The following DDX59 variants were observed in gnomAD, a reference collection of about 807,000 sequenced individuals.
DDX59 encodes probable ATP-dependent RNA helicase DDX59.
Under a neutral mutation model 51.9 loss-of-function variants are expected in DDX59, and 30 were observed. The observed-to-expected ratio is 0.58, with a 90% CI of 0.43 to 0.78. DDX59 has a LOEUF of 0.78. Ranked by LOEUF, DDX59 falls within the 30% of genes least tolerant of loss-of-function variation. The pLI is 0.00. For missense variants in DDX59, 672 were observed against 730.8 expected, an observed-to-expected ratio of 0.92 and a Z score of 0.93; for synonymous variants, 255 against 253.3, an observed-to-expected ratio of 1.01 and a Z score of -0.06.
chr1:200,651,069 ACAAGATACC>A (rs1225255792), intron 4 of DDX59, among the ~76,000 whole-genome samples: 1 of 152,180 alleles, frequency 6.6e-6, no homozygotes, highest in African/African-American at 2.4e-5. Context: ...ATTATGTGTA[ACAAGATACC>A]TATTTATGCT....
At position 200,649,079 on chromosome 1, in the gene DDX59, A is replaced by C. The variant is rs377394294; in HGVS notation, c.1462T>G (p.Leu488Val). The C allele has an allele frequency of 4.2e-5, 65 of 1,560,686 alleles. No individual in the cohort carries two copies. The highest frequency in any genetic ancestry group is 5.3e-5 in the Non-Finnish European group (62 of 1,161,308). ...TAGAATATTGGGTGTCAAACCTTCA[A>C]TATGTTTTTCCTTTCTATTTGCGAC... Reference protein sequence around the residue: ...EKSQIERKNILKGLLEGDYEV... With the variant: ...EKSQIERKNIVKGLLEGDYEV... The change falls in exon 6 of 8, where the codon TTG becomes GTG. Residue 488 changes from leucine (L) to valine (V), a missense_variant. Leu to Val is a conservative substitution (Grantham distance 32). Transcript: ENST00000331314.
chr1:200,664,971 C>T lies in DDX59; in HGVS notation c.805-885G>A, dbSNP rs149005437. Among the ~76,000 whole-genome samples the T allele has an allele frequency of 7.5e-3, 1,136 of 152,262 alleles. 19 individuals are homozygous for T. The highest frequency in any genetic ancestry group is 0.025 in the African/African-American group (1,056 of 41,560). The stretch of plus-strand genomic sequence containing the variant: ...ATTACAGGCGTGAGCCACTGTGCCC[C>T]GCCTTCCCCACATTTTTTACTCACT... On this transcript the variant is annotated intron_variant, in intron 2 of 7. Transcript: ENST00000331314.
intron 1 of DDX59, among the ~76,000 whole-genome samples, chr1:200,668,735 C>T (rs1405304297): frequency 6.6e-6 from 1 of 152,192 alleles, no homozygotes; most frequent in Non-Finnish European, 1.5e-5. Flanking sequence ...GAGCCAGGCA[C>T]CCTTTTAAGT....
downstream of DDX59, among the ~76,000 whole-genome samples, chr1:200,642,500 A>G (rs561629514): frequency 1.3e-5 from 2 of 152,314 alleles, no homozygotes; most frequent in Non-Finnish European, 2.9e-5. Context: ...TTAAAAGTCT[A>G]ATGTTCTGGT....
Position 200,648,587 on chromosome 1 carries a change from AATTT to A in DDX59, c.1468-24_1468-21del. On this transcript the variant is annotated intron_variant, in intron 6 of 7. Coordinates refer to ENST00000331314, the MANE Select transcript of DDX59 (RefSeq NM_001031725.6). ...TAATCCCTTTCCAAAAAAGCAACAA[AATTT>A]ATTATTCAGAATTTATTTTGTGTGG... is the stretch of plus-strand genomic sequence containing the variant. 1 of 1,598,796 alleles carries A rather than the reference AATTT, an allele frequency of 6.3e-7. No homozygotes were observed.
At chr1:200,653,607 A>C (rs1174293672) in intron 4 of DDX59, among the ~76,000 whole-genome samples, 1 of 152,182 alleles carries the variant, frequency 6.6e-6, no homozygotes. Flanking sequence ...ACTTAGAATA[A>C]AATCCAACTT....
chr1:200,652,053 A>T (rs2102865112), intron 4 of DDX59, among the ~76,000 whole-genome samples: 1 of 151,810 alleles, frequency 6.6e-6, no homozygotes, highest in East Asian at 1.9e-4. Context: ...TCAGTTGCAA[A>T]TACAATCCAG....
intron 1 of DDX59, among the ~76,000 whole-genome samples, chr1:200,669,086 A>G (rs1054748315): frequency 6.6e-6 from 1 of 152,148 alleles, no homozygotes; most frequent in African/African-American, 2.4e-5. Context: ...GCTCAAAATA[A>G]ATCTCTTCAA....
chr1:200,657,364 G>A (rs1438788897), intron 4 of DDX59, among the ~76,000 whole-genome samples: 1 of 151,912 alleles, frequency 6.6e-6, no homozygotes, highest in African/African-American at 2.4e-5. Flanking sequence ...TGACAGTATT[G>A]TCTAATGATA....
In DDX59 at chr1:200,659,994, T is replaced by G. The variant is rs372180315; in HGVS notation, c.973-878A>C. On this transcript the variant is annotated intron_variant, in intron 3 of 7. Coordinates refer to ENST00000331314, the MANE Select transcript of DDX59 (RefSeq NM_001031725.6). ...CTACTGCATTCAGCTTATTTTTACC[T>G]TTTTTTAAACAAGAAGGAAAAATGC... is the stretch of plus-strand genomic sequence containing the variant. Among the ~76,000 whole-genome samples the G allele has an allele frequency of 9.2e-5, 14 of 151,384 alleles. No individual in the cohort carries two copies. In the East Asian group the frequency reaches 1.4e-3, roughly 15 times the overall value.
intron 7 of DDX59, 72 bp downstream of exon 7, chr1:200,648,367 G>A: frequency 3.1e-6 from 5 of 1,589,718 alleles, no homozygotes; most frequent in Non-Finnish European, 4.3e-6. Context: ...CTTAAACTTG[G>A]TTATCACATT....
chr1:200,659,063 T>C lies in DDX59; in HGVS notation c.1026A>G (p.Val342=). 1 of 1,613,878 alleles carries C rather than the reference T, an allele frequency of 6.2e-7. No individual in the cohort carries two copies. The highest frequency in any genetic ancestry group is 8.5e-7 in the Non-Finnish European group (1 of 1,179,890). Residue 342 remains valine, a synonymous_variant, in exon 4 of 8, where the codon GTA becomes GTG. Coordinates refer to ENST00000331314, the MANE Select transcript of DDX59 (RefSeq NM_001031725.6). ...RLLDIIKQSS[V]ELCGVKIVVV... ...CCACAATCTTTACACCACAGAGTTC[T>C]ACAGAGCTCTGCTTTATTATATCCA...
chr1:200,644,576 G>T, intron 7 of DDX59, 59 bp from the exon 8 acceptor site: 1 of 1,510,924 alleles, frequency 6.6e-7, no homozygotes, highest in East Asian at 2.3e-5. Flanking sequence ...AGTGTCTTTT[G>T]AAAGAAAATG....
chr1:200,668,024 C>A (rs549645601), intron 1 of DDX59, among the ~76,000 whole-genome samples: 1 of 152,052 alleles, frequency 6.6e-6, no homozygotes, highest in African/African-American at 2.4e-5. Context: ...TTGGGCTGGG[C>A]GCAGTGGCTC....
chr1:200,644,158 A>G lies in DDX59; in HGVS notation c.*96T>C, dbSNP rs1161767350. On this transcript the variant is annotated 3_prime_UTR_variant, in exon 8 of 8. Coordinates refer to ENST00000331314, the MANE Select transcript of DDX59 (RefSeq NM_001031725.6). Reference sequence around the variant, plus strand: ...AATTTTATTAAATTAAAAATATCTTAAAATTTTTAAAATTCATGTACATTT... The same window carrying G: ...AATTTTATTAAATTAAAAATATCTTGAAATTTTTAAAATTCATGTACATTT... 4.0e-6 allele frequency: 4 copies of G among 991,096 alleles called. No homozygotes were observed. Among genetic ancestry groups the G allele is most frequent in the East Asian group, 6.9e-5 (2 of 29,128 alleles). The allele number at this position is 991,096 out of a possible 1,614,324, so 61.4% of individuals were successfully genotyped here. A position where few individuals can be genotyped will look rare whatever the true frequency, so the allele number is the denominator to read the frequency against.
chr1:200,662,975 T>C (rs1338513810), intron 3 of DDX59, among the ~76,000 whole-genome samples: 1 of 152,236 alleles, frequency 6.6e-6, no homozygotes, highest in Non-Finnish European at 1.5e-5. Context: ...CCATTAATTA[T>C]CAACCTGTAA....
At chr1:200,651,226 GATTAC>G (rs1429942426) in intron 4 of DDX59, among the ~76,000 whole-genome samples, 1 of 151,862 alleles carries the variant, frequency 6.6e-6, no homozygotes. Context: ...CATGAACACA[GATTAC>G]ATTTATAATA....
intron 6 of DDX59, 87 bp downstream of exon 6, chr1:200,648,987 T>C (rs903854058): frequency 9.7e-6 from 13 of 1,335,050 alleles, no homozygotes; most frequent in Admixed American, 5.3e-5. Flanking sequence ...GGATCTGTTA[T>C]AAAAACCAGC....
chr1:200,649,943 C>A (rs1326299888), intron 5 of DDX59, among the ~76,000 whole-genome samples: 1 of 151,386 alleles, frequency 6.6e-6, no homozygotes, highest in African/African-American at 2.4e-5. Context: ...CCCAGATTCA[C>A]ACCATTCTCC....
Sources: allele counts gnomAD v4.1 joint callset (sites outside exome capture counted in the v4.1 genomes callset), GRCh38; gene constraint gnomAD v4.1.1; transcripts MANE v1.5; gene names NCBI Gene and HGNC (gene_info 2026-07-23, HGNC 2026-07-21).